Variants in TESC observed in about 807,000 individuals in gnomAD.
TESC encodes the protein calcineurin B homologous protein 3.
TESC carries 19 observed loss-of-function variants against 31.0 expected under a neutral mutation model. The ratio of observed to expected loss-of-function variants is 0.61; its 90% CI spans 0.43 to 0.90. The LOEUF is 0.90. Ranked by LOEUF, TESC falls within the 40% of genes least tolerant of loss-of-function variation. TESC has a pLI of 0.00. For missense variants in TESC, 248 were observed against 303.8 expected, an observed-to-expected ratio of 0.82 and a Z score of 1.36; for synonymous variants, 109 against 114.8, an observed-to-expected ratio of 0.95 and a Z score of 0.32.
chr12:117,090,453 T>C (rs1246883651), intron 1 of TESC, among the ~76,000 whole-genome samples: 1 of 152,206 alleles, frequency 6.6e-6, no homozygotes, highest in East Asian at 1.9e-4. Context: ...GTGTTCCCAG[T>C]TGAAATGATT....
At chr12:117,064,197 C>T (rs949705620) in intron 2 of TESC, among the ~76,000 whole-genome samples, 7 of 152,158 alleles carry the variant, frequency 4.6e-5, no homozygotes, top group African/African-American at 1.7e-4. Flanking sequence ...CATTACAGAA[C>T]CTGCATTTTA....
chr12:117,041,827 T>C lies in TESC; in HGVS notation c.567+120A>G, dbSNP rs115519990. 36 of 985,622 alleles carry C rather than the reference T, an allele frequency of 3.7e-5. No homozygotes were observed. The African/African-American group carries it at 4.2e-4, about 12-fold the overall frequency. The allele number at this position is 985,622 out of a possible 1,614,324, so 61.1% of individuals were successfully genotyped here. ...AGGTTGACCCCTTCCTACTGAGATG[T>C]TGGTCACCCAGGAAGCCTGTCCCTT... On this transcript the variant is annotated intron_variant, in intron 7 of 7. Transcript: ENST00000335209.
chr12:117,058,702 C>T (rs149063642), intron 2 of TESC, among the ~76,000 whole-genome samples: 1,793 of 148,284 alleles, frequency 0.012, 42 homozygotes, highest in African/African-American at 0.043. Flanking sequence ...ATGATGGTGC[C>T]ACTACACTGC....
intron 3 of TESC, among the ~76,000 whole-genome samples, chr12:117,055,691 T>G (rs907788694): frequency 2.0e-5 from 3 of 152,222 alleles, no homozygotes; most frequent in African/African-American, 4.8e-5. Context: ...GCCGCCATGC[T>G]GTGGGCAGCT....
At chr12:117,055,341 C>T (rs1429858357) in intron 3 of TESC, among the ~76,000 whole-genome samples, 1 of 152,174 alleles carries the variant, frequency 6.6e-6, no homozygotes, top group Admixed American at 6.5e-5. Flanking sequence ...GGGGGTTTCA[C>T]CATGTTGACC....
chr12:117,043,816 GTCTC>G (rs1364858952), intron 6 of TESC, among the ~76,000 whole-genome samples: 3 of 152,134 alleles, frequency 2.0e-5, no homozygotes, highest in Admixed American at 1.3e-4. Context: ...TTGGGTTCTA[GTCTC>G]TCTCCTGTAT....
At chr12:117,072,265 CT>C (rs987064625) in intron 2 of TESC, among the ~76,000 whole-genome samples, 8 of 151,990 alleles carry the variant, frequency 5.3e-5, no homozygotes, top group African/African-American at 1.5e-4. Flanking sequence ...CTTGCACCTG[CT>C]TTTTTTTCCC....
chr12:117,044,836 G>A (rs1381500873), intron 6 of TESC, among the ~76,000 whole-genome samples: 1 of 152,164 alleles, frequency 6.6e-6, no homozygotes, highest in Non-Finnish European at 1.5e-5. Context: ...GGTGGAGGTT[G>A]CAGTGAGCCG....
Position 117,046,524 on chromosome 12 carries a change from A to T in TESC, c.519+35T>A, listed in dbSNP as rs1183780751. The stretch of plus-strand genomic sequence containing the variant: ...AACGCAGACCATAAGCGGGAAAGGC[A>T]CTGCGCGTCTCGGGAGGGCTGCAGG... On this transcript the variant is annotated intron_variant, in intron 6 of 7. Transcript: ENST00000335209. The T allele has an allele frequency of 2.0e-6, 3 of 1,529,450 alleles. No individual in the cohort carries two copies. The South Asian group carries it at 3.6e-5, about 19-fold the overall frequency. 94.7% of individuals were successfully genotyped at this position (1,529,450 alleles called of 1,614,324 possible).
At chr12:117,082,816 G>T (rs1345148364) in intron 1 of TESC, among the ~76,000 whole-genome samples, 9 of 152,130 alleles carry the variant, frequency 5.9e-5, no homozygotes, top group Non-Finnish European at 2.9e-5. Flanking sequence ...TCCTCCCTTT[G>T]ACCCTAAATT....
chr12:117,085,631 C>T (rs1388608412), intron 1 of TESC, among the ~76,000 whole-genome samples: 1 of 152,194 alleles, frequency 6.6e-6, no homozygotes. Context: ...CTGCTTGCCA[C>T]CTCTTGAAAG....
At chr12:117,060,589 G>A (rs1954788638) in intron 2 of TESC, among the ~76,000 whole-genome samples, 1 of 152,160 alleles carries the variant, frequency 6.6e-6, no homozygotes, top group Admixed American at 6.5e-5. Context: ...GCTCACAACC[G>A]TGCAAGCAAC....
At chr12:117,059,443 G>A (rs1954772353) in intron 2 of TESC, among the ~76,000 whole-genome samples, 1 of 152,192 alleles carries the variant, frequency 6.6e-6, no homozygotes, top group African/African-American at 2.4e-5. Flanking sequence ...TAGATTCCCA[G>A]AAACCCAGTT....
chr12:117,046,396 C>G (rs1160839495), intron 6 of TESC, 163 bp downstream of exon 6: 1 of 676,396 alleles, frequency 1.5e-6, no homozygotes, highest in Non-Finnish European at 2.5e-6. Flanking sequence ...CCTTCAGTCT[C>G]CTGGGGGACA....
At chr12:117,051,885 G>C (rs763757862) in intron 3 of TESC, among the ~76,000 whole-genome samples, 1 of 152,152 alleles carries the variant, frequency 6.6e-6, no homozygotes, top group Non-Finnish European at 1.5e-5. Flanking sequence ...CCCAGACAGA[G>C]CACCTGGAAC....
At chr12:117,043,685 C>G (rs567586331) in intron 6 of TESC, among the ~76,000 whole-genome samples, 112 of 152,192 alleles carry the variant, frequency 7.4e-4, no homozygotes, top group African/African-American at 2.4e-3. Flanking sequence ...AGGCTGGTCT[C>G]GAACTCCTGA....
rs533925550 is a variant in TESC, at chr12:117,093,355, G to A, written c.58+5870C>T. 3.2e-4 allele frequency among the ~76,000 whole-genome samples: 48 copies of A among 152,362 alleles called. 1 individual carries two copies. The South Asian group carries it at 8.3e-3, about 26-fold the overall frequency. Reference sequence around the variant, plus strand: ...ACCCCCACCAGCCACGCTTGGCTACGCCAGTCCTCCCTGCCATCTCTAGCT... The same window carrying A: ...ACCCCCACCAGCCACGCTTGGCTACACCAGTCCTCCCTGCCATCTCTAGCT... On this transcript the variant is annotated intron_variant, in intron 1 of 7. Coordinates refer to ENST00000335209, the MANE Select transcript of TESC (RefSeq NM_017899.4).
intron 3 of TESC, among the ~76,000 whole-genome samples, chr12:117,051,774 A>G (rs1954650888): frequency 1.3e-5 from 2 of 152,168 alleles, no homozygotes; most frequent in Admixed American, 1.3e-4. Flanking sequence ...CTCAGGACCC[A>G]ACTCAAGGAA....
intron 2 of TESC, among the ~76,000 whole-genome samples, chr12:117,069,997 C>T (rs1954943317): frequency 6.6e-6 from 1 of 152,208 alleles, no homozygotes; most frequent in South Asian, 2.1e-4. Context: ...TCCCCCATCG[C>T]AGATTGTAGT....
Sources: gnomAD v4.1 joint callset for allele counts (sites outside exome capture counted in the v4.1 genomes callset) on GRCh38, gnomAD v4.1.1 for gene constraint, MANE v1.5 for transcripts, NCBI Gene and HGNC (gene_info 2026-07-23, HGNC 2026-07-21) for gene names.